The following AK5 variants were observed in gnomAD, a reference collection of about 807,000 sequenced individuals.
AK5 encodes the protein adenylate kinase isoenzyme 5.
Under a neutral mutation model 69.5 loss-of-function variants are expected in AK5, and 27 were observed. The ratio of observed to expected loss-of-function variants is 0.39; its 90% CI spans 0.29 to 0.54. AK5 has a LOEUF of 0.54. AK5 is among the 20% of genes least tolerant of loss of function. The pLI is 0.71. For missense variants in AK5, 531 were observed against 700.4 expected, an observed-to-expected ratio of 0.76 and a Z score of 2.73; for synonymous variants, 260 against 244.4, an observed-to-expected ratio of 1.06 and a Z score of -0.60.
chr1:77,518,738 T>A lies in AK5; in HGVS notation c.1311+11T>A. 1.2e-6 allele frequency: 2 copies of A among 1,613,220 alleles called. No homozygotes were observed. Among genetic ancestry groups the A allele is most frequent in the Non-Finnish European group, 1.7e-6 (2 of 1,179,402 alleles). The stretch of plus-strand genomic sequence containing the variant: ...GACCTGGTGCCCTCAGTAAGCAACA[T>A]GGCCTGACCCACATTACTGCCTTTC... On this transcript the variant is annotated intron_variant, in intron 11 of 13. Transcript: ENST00000354567.
At chr1:77,460,447 CT>C (rs1248362198) in intron 8 of AK5, among the ~76,000 whole-genome samples, 1 of 152,204 alleles carries the variant, frequency 6.6e-6, no homozygotes, top group Non-Finnish European at 1.5e-5. Flanking sequence ...TGTTCATAGA[CT>C]TTGGCTCCAG....
intron 1 of AK5, among the ~76,000 whole-genome samples, chr1:77,284,860 T>G (rs971044893): frequency 6.6e-6 from 1 of 152,228 alleles, no homozygotes; most frequent in Non-Finnish European, 1.5e-5. Context: ...CAATGCCCTT[T>G]GGTGAACCAG....
intron 10 of AK5, among the ~76,000 whole-genome samples, chr1:77,510,529 A>G (rs1199605223): frequency 6.6e-6 from 1 of 152,212 alleles, no homozygotes; most frequent in Non-Finnish European, 1.5e-5. Context: ...AAAAAGAAAA[A>G]GAAAGAAAGA....
chr1:77,304,878 G>A (rs1659551969), intron 5 of AK5, among the ~76,000 whole-genome samples: 1 of 152,146 alleles, frequency 6.6e-6, no homozygotes, highest in South Asian at 2.1e-4. Context: ...AGAATCATAT[G>A]GGAGCTTCAT....
At chr1:77,362,462 G>A (rs1646881535) in intron 6 of AK5, among the ~76,000 whole-genome samples, 1 of 152,016 alleles carries the variant, frequency 6.6e-6, no homozygotes, top group Admixed American at 6.6e-5. Context: ...CAACTCATGA[G>A]CCACCGGAAG....
intron 5 of AK5, among the ~76,000 whole-genome samples, chr1:77,322,446 G>A (rs1423583727): frequency 1.3e-5 from 2 of 152,098 alleles, no homozygotes. Context: ...GGGTTGCTGA[G>A]TCATTGCAGA....
At chr1:77,515,383 TTAAG>T (rs1657578849) in intron 10 of AK5, among the ~76,000 whole-genome samples, 1 of 152,180 alleles carries the variant, frequency 6.6e-6, no homozygotes, top group Non-Finnish European at 1.5e-5. Context: ...GAAAGGAGTT[TTAAG>T]TATGAAAAAA....
chr1:77,526,136 G>A (rs754400320), intron 12 of AK5, among the ~76,000 whole-genome samples: 18 of 152,098 alleles, frequency 1.2e-4, no homozygotes, highest in Non-Finnish European at 2.4e-4. Context: ...AGTCCCTAGG[G>A]ATACATTCTA....
chr1:77,438,380 T>TG, intron 8 of AK5, among the ~76,000 whole-genome samples: 1 of 147,254 alleles, frequency 6.8e-6, no homozygotes, highest in Non-Finnish European at 1.5e-5. Context: ...AAAACATGCA[T>TG]GAGGAAAAAC....
intron 12 of AK5, among the ~76,000 whole-genome samples, chr1:77,525,661 T>C (rs776576731): frequency 1.3e-5 from 2 of 152,212 alleles, no homozygotes; most frequent in Non-Finnish European, 2.9e-5. Context: ...CACCTCCAAC[T>C]GGCCCCACTT....
rs190002769 is a variant in AK5 at position 77,445,013 on chromosome 1, C to G, written c.1059+27298C>G. On this transcript the variant is annotated intron_variant, in intron 8 of 13. Transcript: ENST00000354567. ...GTGACAAATGGCAGGATCTCTTTCT[C>G]TTTTACAGATGAATGATATTCTATT... is the stretch of plus-strand genomic sequence containing the variant. Among the ~76,000 whole-genome samples, 23 of 152,230 alleles carry G rather than the reference C, an allele frequency of 1.5e-4. 1 individual carries two copies. The highest frequency in any genetic ancestry group is 1.5e-3 in the Admixed American group (23 of 15,290).
At chr1:77,485,370 G>A (rs1162091516) in intron 9 of AK5, among the ~76,000 whole-genome samples, 1 of 152,138 alleles carries the variant, frequency 6.6e-6, no homozygotes, top group East Asian at 1.9e-4. Context: ...TCACTCAGCT[G>A]ATTGTGAATT....
rs199579005 is a variant in AK5, at chr1:77,477,658, C to CTT, written c.1060-5651_1060-5650dup. Among the ~76,000 whole-genome samples the CTT allele has an allele frequency of 7.3e-5, 11 of 150,512 alleles. No individual in the cohort carries two copies. The East Asian group carries it at 2.0e-3, about 27-fold the overall frequency. ...ACTTTTAAATCCTTTTTTCTTTTTTCTTTTTTTTTGCATTTTGAAGTTATC... is the reference window on the plus strand; with the variant it reads ...ACTTTTAAATCCTTTTTTCTTTTTTCTTTTTTTTTTTGCATTTTGAAGTTATC... On this transcript the variant is annotated intron_variant, in intron 8 of 13. Transcript: ENST00000354567.
At chr1:77,387,996 A>G (rs1648142981) in intron 6 of AK5, among the ~76,000 whole-genome samples, 1 of 152,238 alleles carries the variant, frequency 6.6e-6, no homozygotes, top group South Asian at 2.1e-4. Context: ...TTTGTCTAAC[A>G]TTGATTTCTC....
intron 5 of AK5, among the ~76,000 whole-genome samples, chr1:77,332,761 G>A (rs1308002359): frequency 6.6e-6 from 1 of 151,750 alleles, no homozygotes; most frequent in Admixed American, 6.6e-5. Context: ...ACTTCTCTGT[G>A]TGTTTTTAAA....
At chr1:77,478,196 A>G (rs764141128) in intron 8 of AK5, among the ~76,000 whole-genome samples, 27 of 152,210 alleles carry the variant, frequency 1.8e-4, no homozygotes, top group Middle Eastern at 3.2e-3. Context: ...CAGTGAGATC[A>G]TATCTGCAAA....
intron 10 of AK5, among the ~76,000 whole-genome samples, chr1:77,499,508 C>T (rs2100252950): frequency 6.6e-6 from 1 of 152,296 alleles, no homozygotes; most frequent in South Asian, 2.1e-4. Context: ...GTGTAAAGTG[C>T]ATTGAACCTA....
intron 8 of AK5, among the ~76,000 whole-genome samples, chr1:77,455,264 A>G (rs1653405195): frequency 6.6e-6 from 1 of 152,142 alleles, no homozygotes; most frequent in Non-Finnish European, 1.5e-5. Flanking sequence ...TTGAAACCTA[A>G]TCACCAATAT....
intron 13 of AK5, among the ~76,000 whole-genome samples, chr1:77,541,833 C>G (rs942748380): frequency 6.6e-6 from 1 of 152,216 alleles, no homozygotes; most frequent in African/African-American, 2.4e-5. Context: ...TGATTCCCAG[C>G]TCCAGATTCC....
Sources: gnomAD v4.1 joint callset for allele counts (sites outside exome capture counted in the v4.1 genomes callset) on GRCh38, gnomAD v4.1.1 for gene constraint, MANE v1.5 for transcripts, NCBI Gene and HGNC (gene_info 2026-07-23, HGNC 2026-07-21) for gene names.